ZNF569: variants seen among roughly 807,000 people sequenced by gnomAD.
The protein encoded by ZNF569 is DNA-binding protein.
A neutral mutation model predicts 56.3 loss-of-function variants in ZNF569; 38 were observed. The ratio of observed to expected loss-of-function variants is 0.68; its 90% CI spans 0.52 to 0.88. ZNF569 has a LOEUF of 0.88. ZNF569 is among the 40% of genes least tolerant of loss of function. The pLI is 0.00. For missense variants in ZNF569, 666 were observed against 809.2 expected, an observed-to-expected ratio of 0.82 and a Z score of 2.15; for synonymous variants, 241 against 262.9, an observed-to-expected ratio of 0.92 and a Z score of 0.81.
chr19:37,428,877 T>G (rs2041180064), intron 3 of ZNF569, among the ~76,000 whole-genome samples: 1 of 151,928 alleles, frequency 6.6e-6, no homozygotes, highest in Admixed American at 6.6e-5. Context: ...GTTCCCATGT[T>G]GGCCAAGCTG....
intron 3 of ZNF569, among the ~76,000 whole-genome samples, chr19:37,443,686 TTTC>T (rs1366678586): frequency 1.3e-5 from 2 of 152,070 alleles, no homozygotes; most frequent in Non-Finnish European, 1.5e-5. Flanking sequence ...ATCCCACCTC[TTTC>T]TTAAGATAGT....
chr19:37,452,334 C>A (rs1293488680), intron 2 of ZNF569, among the ~76,000 whole-genome samples: 1 of 151,696 alleles, frequency 6.6e-6, no homozygotes, highest in Non-Finnish European at 1.5e-5. Context: ...AGTTATTTAC[C>A]CACCACCATT....
rs199794961 is a variant in ZNF569 at position 37,418,101 on chromosome 19, AAATAATAATAAT to A, written c.239-3694_239-3683del. The stretch of plus-strand genomic sequence containing the variant: ...GGGTAACAGAGTGAGACTCCATCTC[AAATAATAATAAT>A]AATAATAATAATAATAATAATAAAA... On this transcript the variant is annotated intron_variant, in intron 5 of 5. Transcript: ENST00000316950. Among the ~76,000 whole-genome samples the A allele has an allele frequency of 5.0e-4, 72 of 143,298 alleles. 1 individual carries two copies. The South Asian group carries it at 9.4e-3, about 19-fold the overall frequency. The allele number at this position is 143,298 out of a possible 152,430, so 94.0% of individuals were successfully genotyped here.
At chr19:37,415,410 C>T (rs1178680890) in intron 5 of ZNF569, among the ~76,000 whole-genome samples, 1 of 151,992 alleles carries the variant, frequency 6.6e-6, no homozygotes, top group Non-Finnish European at 1.5e-5. Context: ...GAACAAATAA[C>T]ATTTAATTTG....
chr19:37,417,843 C>T (rs1246153718), intron 5 of ZNF569, among the ~76,000 whole-genome samples: 2 of 152,080 alleles, frequency 1.3e-5, no homozygotes, highest in Admixed American at 1.3e-4. Flanking sequence ...GGTGCGATGG[C>T]ACACGCCTGT....
At chr19:37,450,796 GC>G (rs1449605852) in intron 2 of ZNF569, among the ~76,000 whole-genome samples, 1 of 152,026 alleles carries the variant, frequency 6.6e-6, no homozygotes, top group African/African-American at 2.4e-5. Flanking sequence ...TGCTTTTGCT[GC>G]AACTTATAAG....
intron 2 of ZNF569, among the ~76,000 whole-genome samples, chr19:37,450,501 CTT>C (rs1414803258): frequency 1.3e-5 from 2 of 152,004 alleles, no homozygotes; most frequent in Non-Finnish European, 1.5e-5. Flanking sequence ...TGTATTGTCT[CTT>C]CTTTCAATTC....
chr19:37,430,599 C>G (rs2041209890), intron 3 of ZNF569, among the ~76,000 whole-genome samples: 1 of 151,920 alleles, frequency 6.6e-6, no homozygotes, highest in Non-Finnish European at 1.5e-5. Flanking sequence ...AAAAAACTAT[C>G]AGAGAGGAAG....
rs755612030 is a variant in ZNF569 at position 37,413,567 on chromosome 19, G to A, written c.1091C>T (p.Ser364Phe). Residue 364 changes from serine (S) to phenylalanine (F), a missense_variant, in exon 6 of 6, where the codon TCT becomes TTT. Ser to Phe is a radical substitution (Grantham distance 155). Transcript: ENST00000316950. Reference protein sequence around the residue: ...YKCDKCGKAFSQFSMLIIHVR... With the variant: ...YKCDKCGKAFFQFSMLIIHVR... ...ATGTATAATAAGCATGGAAAACTGA[G>A]AGAAGGCTTTACCACATTTATCACA... 6 of 1,613,468 alleles carry A rather than the reference G, an allele frequency of 3.7e-6. No individual in the cohort carries two copies. In the South Asian group the frequency reaches 5.5e-5, roughly 15 times the overall value.
At chr19:37,434,941 C>T (rs900600818) in intron 3 of ZNF569, among the ~76,000 whole-genome samples, 11 of 152,146 alleles carry the variant, frequency 7.2e-5, no homozygotes, top group African/African-American at 1.9e-4. Flanking sequence ...CCCGCCTGCA[C>T]CCAGGTGAAA....
At chr19:37,423,163 T>C (rs564436153) in intron 5 of ZNF569, among the ~76,000 whole-genome samples, 1 of 152,170 alleles carries the variant, frequency 6.6e-6, no homozygotes, top group Non-Finnish European at 1.5e-5. Context: ...GGTAATTTCA[T>C]GGAAAAATAC....
chr19:37,457,061 A>T (rs1184066649), intron 2 of ZNF569, among the ~76,000 whole-genome samples: 2 of 72 alleles, frequency 0.028, no homozygotes. Context: ...CCCTTAATCT[A>T]TATTCAGCAT....
intron 2 of ZNF569, chr19:37,455,008 C>T (rs569992337): frequency 4.2e-4 from 243 of 582,258 alleles, no homozygotes; most frequent in African/African-American, 5.1e-4. Flanking sequence ...CCTTGTTGTA[C>T]GGTAGAAGTT....
At position 37,413,505 on chromosome 19, in the gene ZNF569, T is replaced by G. The variant is rs1332577150; in HGVS notation, c.1153A>C (p.Asn385His). 1.9e-6 allele frequency: 3 copies of G among 1,613,506 alleles called. No individual in the cohort carries two copies. The highest frequency in any genetic ancestry group is 2.5e-6 in the Non-Finnish European group (3 of 1,179,782). Residue 385 changes from asparagine to histidine, a missense_variant, in exon 6 of 6, where the codon AAT becomes CAT. Transcript: ENST00000316950. ...TGAGAGAAGGCTTTTCCACACTCAT[T>G]ACATTCATAGGGTTTTTCACCTGTA... ...IHTGEKPYECNECGKAFSQSS... is the reference protein window; with the variant it reads ...IHTGEKPYECHECGKAFSQSS...
intron 5 of ZNF569, among the ~76,000 whole-genome samples, chr19:37,415,335 T>C (rs1386852704): frequency 2.0e-5 from 3 of 152,148 alleles, no homozygotes; most frequent in Non-Finnish European, 4.4e-5. Context: ...TAATCATTTC[T>C]GTAGATATTA....
At chr19:37,423,110 G>T (rs1568721311) in intron 5 of ZNF569, among the ~76,000 whole-genome samples, 1 of 152,158 alleles carries the variant, frequency 6.6e-6, no homozygotes, top group South Asian at 2.1e-4. Flanking sequence ...ATTTATGGAA[G>T]TTACTTTGTC....
chr19:37,421,257 C>G (rs1362759326), intron 5 of ZNF569, among the ~76,000 whole-genome samples: 1 of 152,120 alleles, frequency 6.6e-6, no homozygotes, highest in Non-Finnish European at 1.5e-5. Flanking sequence ...CTGCATTAGC[C>G]CATAACAGGA....
intron 2 of ZNF569, chr19:37,454,733 C>A (rs2041646656): frequency 4.5e-6 from 3 of 663,200 alleles, no homozygotes; most frequent in African/African-American, 3.6e-5. Context: ...GCAACCCCCA[C>A]CTCCCTAATT....
intron 3 of ZNF569, among the ~76,000 whole-genome samples, chr19:37,439,334 G>C (rs2041365989): frequency 6.6e-6 from 1 of 152,190 alleles, no homozygotes; most frequent in South Asian, 2.1e-4. Context: ...GCCTCCCAAA[G>C]TGGTGGGATT....
Sources: allele counts gnomAD v4.1 joint callset (sites outside exome capture counted in the v4.1 genomes callset), GRCh38; gene constraint gnomAD v4.1.1; transcripts MANE v1.5; gene names NCBI Gene and HGNC (gene_info 2026-07-23, HGNC 2026-07-21).